MAP2: variants seen among roughly 807,000 people sequenced by gnomAD.
The protein encoded by MAP2 is microtubule associated protein 2.
MAP2 carries 14 observed loss-of-function variants against 137.6 expected under a neutral mutation model. The observed-to-expected ratio is 0.10, with a 90% CI of 0.07 to 0.16. The LOEUF (loss-of-function observed/expected upper bound fraction) is 0.16. MAP2 is among the 10% of genes least tolerant of loss of function. MAP2 has a pLI of 1.00. For missense variants in MAP2, 2,088 were observed against 2,191.5 expected, an observed-to-expected ratio of 0.95 and a Z score of 0.94; for synonymous variants, 786 against 782.3, an observed-to-expected ratio of 1.00 and a Z score of -0.08.
intron 2 of MAP2, among the ~76,000 whole-genome samples, chr2:209,571,137 G>C (rs1020553233): frequency 6.6e-6 from 1 of 151,844 alleles, no homozygotes; most frequent in African/African-American, 2.4e-5. Flanking sequence ...TGGTTACATG[G>C]TATGTGTGTA....
chr2:209,526,047 A>T (rs1027534002), intron 2 of MAP2, among the ~76,000 whole-genome samples: 2 of 151,744 alleles, frequency 1.3e-5, no homozygotes, highest in Non-Finnish European at 2.9e-5. Context: ...TTCTCATGTT[A>T]TGTCATGATT....
At chr2:209,710,527 C>T (rs1218056635) in intron 13 of MAP2, 2 of 350,512 alleles carry the variant, frequency 5.7e-6, no homozygotes, top group Non-Finnish European at 1.0e-5. Context: ...GAATGTATCT[C>T]TATTGCTTTG....
chr2:209,578,888 C>T (rs1324468512), intron 2 of MAP2, among the ~76,000 whole-genome samples: 1 of 149,392 alleles, frequency 6.7e-6, no homozygotes, highest in Non-Finnish European at 1.5e-5. Context: ...AAATAGATTG[C>T]CCCCAGAAAT....
At chr2:209,666,022 C>T (rs2046160821) in intron 5 of MAP2, among the ~76,000 whole-genome samples, 1 of 152,136 alleles carries the variant, frequency 6.6e-6, no homozygotes, top group South Asian at 2.1e-4. Flanking sequence ...AATCAATTCA[C>T]TGGATACTTT....
At chr2:209,431,502 A>G (rs775154534) in intron 1 of MAP2, among the ~76,000 whole-genome samples, 1 of 152,140 alleles carries the variant, frequency 6.6e-6, no homozygotes, top group Non-Finnish European at 1.5e-5. Context: ...AAGACTTGCT[A>G]TTTATATATG....
intron 3 of MAP2, among the ~76,000 whole-genome samples, chr2:209,596,397 G>C (rs928979315): frequency 3.3e-5 from 5 of 152,148 alleles, no homozygotes; most frequent in Non-Finnish European, 7.3e-5. Flanking sequence ...TTAGATATAT[G>C]ACTGCTATTC....
chr2:209,532,086 A>C (rs1290045663), intron 2 of MAP2, among the ~76,000 whole-genome samples: 1 of 151,912 alleles, frequency 6.6e-6, no homozygotes, highest in Non-Finnish European at 1.5e-5. Flanking sequence ...AAAAACTAAA[A>C]AAATTAGCTA....
At position 209,471,621 on chromosome 2, in the gene MAP2, T is replaced by C. The variant is rs1280724439; in HGVS notation, c.-221-35971T>C. On this transcript the variant is annotated intron_variant, in intron 1 of 15. Coordinates refer to ENST00000682079, the MANE Select transcript of MAP2 (RefSeq NM_001375505.1). ...CTTTTTAACCTAGTACTTAAATGAT[T>C]TTTCTCATGTTCCCAACCCCCCACC... 2.0e-5 allele frequency among the ~76,000 whole-genome samples: 3 copies of C among 152,090 alleles called. No individual in the cohort carries two copies. The South Asian group carries it at 6.2e-4, about 32-fold the overall frequency.
At chr2:209,549,573 A>T (rs1460190637) in intron 2 of MAP2, among the ~76,000 whole-genome samples, 2 of 152,154 alleles carry the variant, frequency 1.3e-5, no homozygotes, top group Admixed American at 1.3e-4. Flanking sequence ...TACTTTGTAA[A>T]AGATATTTGT....
chr2:209,534,886 AT>A (rs1171681215), intron 2 of MAP2, among the ~76,000 whole-genome samples: 1 of 152,190 alleles, frequency 6.6e-6, no homozygotes, highest in Non-Finnish European at 1.5e-5. Flanking sequence ...GAATACGTGC[AT>A]TTTTTAACAG....
intron 2 of MAP2, among the ~76,000 whole-genome samples, chr2:209,575,445 C>T (rs749072213): frequency 5.2e-5 from 7 of 134,678 alleles, no homozygotes; most frequent in Non-Finnish European, 6.1e-5. Context: ...GGCGTGAACC[C>T]GGGAGGTGGA....
Position 209,483,747 on chromosome 2 carries a change from G to A in MAP2, c.-221-23845G>A, listed in dbSNP as rs182542849. On this transcript the variant is annotated intron_variant, in intron 1 of 15. Transcript: ENST00000682079. ...CAGTTTTGCTTGTGACAATGCCAGA[G>A]TTTGTGTTAGTTTTTGGAAAAATTT... is the stretch of plus-strand genomic sequence containing the variant. Among the ~76,000 whole-genome samples the A allele has an allele frequency of 1.7e-3, 256 of 152,294 alleles. 1 individual carries two copies. The highest frequency in any genetic ancestry group is 1.9e-3 in the Non-Finnish European group (126 of 68,026).
intron 2 of MAP2, among the ~76,000 whole-genome samples, chr2:209,571,545 T>C (rs967988124): frequency 3.3e-5 from 5 of 152,030 alleles, no homozygotes; most frequent in Non-Finnish European, 7.4e-5. Context: ...ATGAGAGTCT[T>C]AGTTGTTCAA....
intron 3 of MAP2, among the ~76,000 whole-genome samples, chr2:209,596,083 A>G (rs569914216): frequency 6.6e-6 from 1 of 152,282 alleles, no homozygotes; most frequent in African/African-American, 2.4e-5. Context: ...GTGCACATGT[A>G]CCCTAGAACT....
In MAP2 at chr2:209,553,246, C is replaced by T. The variant is rs571020299; in HGVS notation, c.-171-26790C>T. ...CAGGATGGTCTCGATCTCTTGACCT[C>T]GTGGTCCACCAGCCTCGGCCTCCCA... On this transcript the variant is annotated intron_variant, in intron 2 of 15. Coordinates refer to ENST00000682079, the MANE Select transcript of MAP2 (RefSeq NM_001375505.1). Among the ~76,000 whole-genome samples, 41 of 152,150 alleles carry T rather than the reference C, an allele frequency of 2.7e-4. No individual in the cohort carries two copies. In the South Asian group the frequency reaches 8.1e-3, roughly 30 times the overall value.
intron 2 of MAP2, among the ~76,000 whole-genome samples, chr2:209,534,288 A>G (rs188787964): frequency 1.5e-4 from 23 of 152,344 alleles, no homozygotes; most frequent in African/African-American, 5.5e-4. Context: ...TTTTACAGAT[A>G]AAGAGTCAGA....
intron 13 of MAP2, among the ~76,000 whole-genome samples, chr2:209,719,093 A>G (rs2069027904): frequency 6.6e-6 from 1 of 152,232 alleles, no homozygotes; most frequent in Non-Finnish European, 1.5e-5. Flanking sequence ...ATTTTATGCC[A>G]TCTTGAGAAA....
At chr2:209,487,779 C>T (rs1232846790) in intron 1 of MAP2, among the ~76,000 whole-genome samples, 1 of 152,098 alleles carries the variant, frequency 6.6e-6, no homozygotes, top group Non-Finnish European at 1.5e-5. Context: ...TGCATTTTAA[C>T]CTTCAAATAA....
At chr2:209,679,120 C>G (rs556134296) in intron 6 of MAP2, among the ~76,000 whole-genome samples, 2 of 152,006 alleles carry the variant, frequency 1.3e-5, no homozygotes, top group Non-Finnish European at 2.9e-5. Context: ...CTACACAAAA[C>G]CTATAGCCAG....
Sources: gnomAD v4.1 joint callset for allele counts (sites outside exome capture counted in the v4.1 genomes callset) on GRCh38, gnomAD v4.1.1 for gene constraint, MANE v1.5 for transcripts, NCBI Gene and HGNC (gene_info 2026-07-23, HGNC 2026-07-21) for gene names.